Variants in DEPDC1B observed in about 807,000 individuals in gnomAD.
DEPDC1B encodes DEP domain-containing protein 1B.
In DEPDC1B, 51 loss-of-function variants were observed where a neutral mutation model predicts 66.5. That is an observed-to-expected ratio of 0.77 (90% CI 0.61 to 0.97). The LOEUF (loss-of-function observed/expected upper bound fraction) is 0.97, where lower values mean the gene tolerates loss of function less well. DEPDC1B is among the 50% of genes least tolerant of loss of function. The pLI is 0.00. For synonymous variants in DEPDC1B, 226 were observed against 223.6 expected, an observed-to-expected ratio of 1.01 and a Z score of -0.10; for missense variants, 552 against 637.1, an observed-to-expected ratio of 0.87 and a Z score of 1.44.
rs139521628 is a variant in DEPDC1B, at chr5:60,662,921, C to A, written c.315-15388G>T. On this transcript the variant is annotated intron_variant, in intron 2 of 10. Transcript: ENST00000265036. Reference sequence around the variant, plus strand: ...TCTCAGTCTTACTCTCCTGTCCCGGCCAACTGTCCTCCAGATCTGTCACTA... The same window carrying A: ...TCTCAGTCTTACTCTCCTGTCCCGGACAACTGTCCTCCAGATCTGTCACTA... Among the ~76,000 whole-genome samples, 331 of 152,272 alleles carry A rather than the reference C, an allele frequency of 2.2e-3. 2 individuals are homozygous for A. The highest frequency in any genetic ancestry group is 7.7e-3 in the African/African-American group (319 of 41,564).
At chr5:60,645,002 G>A in intron 4 of DEPDC1B, 127 bp from the exon 5 acceptor site, 1 of 620,782 alleles carries the variant, frequency 1.6e-6, no homozygotes, top group Non-Finnish European at 2.5e-6. Context: ...TCTTTGCGGG[G>A]CAAAAAGGGT....
chr5:60,642,757 T>C (rs1378726547), intron 6 of DEPDC1B, 55 bp downstream of exon 6: 3 of 1,457,966 alleles, frequency 2.1e-6, no homozygotes, highest in African/African-American at 2.8e-5. Context: ...TTTTTCCTAA[T>C]TTAGGGCACT....
intron 2 of DEPDC1B, among the ~76,000 whole-genome samples, chr5:60,670,118 C>T (rs1233084671): frequency 6.6e-6 from 1 of 152,222 alleles, no homozygotes; most frequent in Non-Finnish European, 1.5e-5. Context: ...GGCGCAGTGG[C>T]TCACGCCTGT....
intron 2 of DEPDC1B, among the ~76,000 whole-genome samples, chr5:60,673,244 A>G (rs950743561): frequency 2.0e-5 from 3 of 152,198 alleles, no homozygotes; most frequent in African/African-American, 7.2e-5. Context: ...CAGCCCTCCT[A>G]TAACAATGAA....
At position 60,605,665 on chromosome 5, in the gene DEPDC1B, T is replaced by C. The variant is rs755980780; in HGVS notation, c.1065+25A>G. 6 of 1,607,068 alleles carry C rather than the reference T, an allele frequency of 3.7e-6. No individual in the cohort carries two copies. The East Asian group carries it at 8.9e-5, about 24-fold the overall frequency. On this transcript the variant is annotated intron_variant, in intron 8 of 10. Transcript: ENST00000265036. ...AGTCGACTTTCATTCCAAAAAGTCATACCTGATGTTAAAAATCAACCTACC... is the reference window on the plus strand; with the variant it reads ...AGTCGACTTTCATTCCAAAAAGTCACACCTGATGTTAAAAATCAACCTACC...
chr5:60,601,778 G>C (rs1021895859), intron 9 of DEPDC1B, among the ~76,000 whole-genome samples: 3 of 152,038 alleles, frequency 2.0e-5, no homozygotes, highest in African/African-American at 7.2e-5. Flanking sequence ...CTAATTGTAG[G>C]TTTACAATGT....
At chr5:60,612,399 G>A (rs1752431174) in intron 7 of DEPDC1B, among the ~76,000 whole-genome samples, 1 of 150,376 alleles carries the variant, frequency 6.6e-6, no homozygotes, top group Non-Finnish European at 1.5e-5. Flanking sequence ...CTCCAGCCTG[G>A]GCAACAGCAC....
intron 1 of DEPDC1B, among the ~76,000 whole-genome samples, chr5:60,691,711 T>C (rs1298210002): frequency 2.0e-5 from 3 of 152,110 alleles, no homozygotes; most frequent in Non-Finnish European, 2.9e-5. Flanking sequence ...CTATAACATA[T>C]ACAAAGATGT....
intron 2 of DEPDC1B, among the ~76,000 whole-genome samples, chr5:60,670,989 G>A (rs1754022393): frequency 6.6e-6 from 1 of 152,168 alleles, no homozygotes; most frequent in South Asian, 2.1e-4. Context: ...ACTTCCTGGA[G>A]ATCTACATGG....
At chr5:60,618,233 G>A (rs1029683181) in intron 7 of DEPDC1B, among the ~76,000 whole-genome samples, 5 of 152,022 alleles carry the variant, frequency 3.3e-5, no homozygotes, top group Admixed American at 6.5e-5. Flanking sequence ...AAGAACTAGA[G>A]AAGCAAGAGC....
rs1473273167 is a variant in DEPDC1B, at chr5:60,615,501, C to T, written c.899-9645G>A. The stretch of plus-strand genomic sequence containing the variant: ...CAAATGGCACACCAGGAGATTATAT[C>T]CCGTGCCTGGCTCGGAGGGTCCTAC... On this transcript the variant is annotated intron_variant, in intron 7 of 10. Transcript: ENST00000265036. 5.9e-5 allele frequency among the ~76,000 whole-genome samples: 9 copies of T among 152,342 alleles called. No homozygotes were observed. In the South Asian group the frequency reaches 6.2e-4, roughly 11 times the overall value.
intron 7 of DEPDC1B, among the ~76,000 whole-genome samples, chr5:60,629,965 T>G (rs1276939546): frequency 6.6e-6 from 1 of 152,192 alleles, no homozygotes; most frequent in African/African-American, 2.4e-5. Context: ...GCAGAATCAT[T>G]TTCCTCTATG....
At chr5:60,644,008 A>T (rs902138873) in intron 5 of DEPDC1B, among the ~76,000 whole-genome samples, 3 of 152,212 alleles carry the variant, frequency 2.0e-5, no homozygotes, top group Non-Finnish European at 4.4e-5. Flanking sequence ...GTCAAGAAGT[A>T]TTATGCCATC....
chr5:60,647,485 GT>G lies in DEPDC1B; in HGVS notation c.362del (p.Asn121ThrfsTer25), dbSNP rs745872443. On this transcript the variant is annotated frameshift_variant, in exon 3 of 11. Transcript: ENST00000265036. LOFTEE classifies it high-confidence loss of function. ...PLKPYPKKPP[N>X]QKDVIKFPEW... ...CTGGAAATTTAATAACATCCTTTTG[GT>G]TTGGGGGCTTCTTTGGATATGGTTT... The G allele has an allele frequency of 5.6e-6, 9 of 1,612,376 alleles. No individual in the cohort carries two copies. The highest frequency in any genetic ancestry group is 7.6e-6 in the Non-Finnish European group (9 of 1,179,428).
At chr5:60,607,388 A>G (rs957705152) in intron 7 of DEPDC1B, among the ~76,000 whole-genome samples, 2 of 152,140 alleles carry the variant, frequency 1.3e-5, no homozygotes, top group African/African-American at 4.8e-5. Flanking sequence ...ATCTATGTAG[A>G]CCTGTTTTCA....
intron 2 of DEPDC1B, among the ~76,000 whole-genome samples, chr5:60,667,753 A>G (rs186836105): frequency 0.022 from 2,748 of 122,556 alleles, 218 homozygotes; most frequent in East Asian, 0.081. Context: ...TATTTTACAT[A>G]TATATAAAAA....
At chr5:60,679,199 A>G (rs1360326943) in intron 2 of DEPDC1B, among the ~76,000 whole-genome samples, 4 of 152,142 alleles carry the variant, frequency 2.6e-5, no homozygotes, top group Non-Finnish European at 4.4e-5. Flanking sequence ...AAAAAAATCT[A>G]TTGGCATATT....
intron 7 of DEPDC1B, among the ~76,000 whole-genome samples, chr5:60,627,289 C>T (rs1248318441): frequency 6.6e-6 from 1 of 152,062 alleles, no homozygotes; most frequent in African/African-American, 2.4e-5. Flanking sequence ...TTTAAATACA[C>T]AAGAAGACCT....
chr5:60,603,843 A>G (rs1752255736), intron 8 of DEPDC1B, among the ~76,000 whole-genome samples: 1 of 151,064 alleles, frequency 6.6e-6, no homozygotes, highest in Admixed American at 6.6e-5. Context: ...ATATATATAT[A>G]TATACACACA....
Sources: allele counts gnomAD v4.1 joint callset (sites outside exome capture counted in the v4.1 genomes callset), GRCh38; gene constraint gnomAD v4.1.1; transcripts MANE v1.5; gene names NCBI Gene and HGNC (gene_info 2026-07-23, HGNC 2026-07-21).